Variants in ADGRG5 observed in about 807,000 individuals in gnomAD.
ADGRG5 encodes G protein-coupled receptor 114.
In ADGRG5, 37 loss-of-function variants were observed where a neutral mutation model predicts 53.2. That is an observed-to-expected ratio of 0.70 (90% CI 0.53 to 0.91). The LOEUF is 0.91. Ranked by LOEUF, ADGRG5 falls within the 40% of genes least tolerant of loss-of-function variation. The pLI is 0.00. For synonymous variants in ADGRG5, 277 were observed against 290.4 expected (o/e 0.95, Z 0.47); for missense variants, 614 against 675.8 (o/e 0.91, Z 1.01).
intron 1 of ADGRG5, among the ~76,000 whole-genome samples, chr16:57,553,985 A>G (rs760369472): frequency 6.6e-6 from 1 of 152,238 alleles, no homozygotes; most frequent in Non-Finnish European, 1.5e-5. Flanking sequence ...CAGTGAGGCC[A>G]TCTGGGCCTA....
intron 1 of ADGRG5, among the ~76,000 whole-genome samples, chr16:57,545,585 A>G (rs1488577128): frequency 6.6e-6 from 1 of 152,236 alleles, no homozygotes; most frequent in Non-Finnish European, 1.5e-5. Flanking sequence ...AATAAGTTGC[A>G]TACTCTACAA....
chr16:57,567,048 A>G (rs1476296931), intron 7 of ADGRG5, among the ~76,000 whole-genome samples: 1 of 152,202 alleles, frequency 6.6e-6, no homozygotes, highest in Non-Finnish European at 1.5e-5. Flanking sequence ...AGATAATAAT[A>G]TAGCTGGCAG....
In ADGRG5 at chr16:57,574,939, G is replaced by C; in HGVS notation, c.1333G>C (p.Ala445Pro). The C allele has an allele frequency of 6.2e-7, 1 of 1,613,452 alleles. No homozygotes were observed. The highest frequency in any genetic ancestry group is 8.5e-7 in the Non-Finnish European group (1 of 1,179,994). ...GACCCTGCGCAGGCTGCGGGAGCGG[G>C]CGGATGCACCAAGTGTCAGGGCCTG... ...LWTLRRLRER[A>P]DAPSVRACHD... The change falls in exon 11 of 12, where the codon GCG (alanine) becomes CCG (proline). Residue 445 changes from alanine to proline, a missense_variant. Physicochemically the swap from Ala to Pro is conservative, Grantham distance 27. Transcript: ENST00000349457. The surrounding 1 kb of genome is among the most constrained non-coding windows in gnomAD (Gnocchi z 4.4).
chr16:57,562,267 C>T (rs1384771436), intron 2 of ADGRG5, 110 bp downstream of exon 2: 1 of 1,412,728 alleles, frequency 7.1e-7, no homozygotes, highest in African/African-American at 1.4e-5. Context: ...CTTAGGCTTC[C>T]TGGGGGCAGC....
At chr16:57,552,289 C>G (rs1433844220) in intron 1 of ADGRG5, among the ~76,000 whole-genome samples, 1 of 152,186 alleles carries the variant, frequency 6.6e-6, no homozygotes, top group Non-Finnish European at 1.5e-5. Context: ...GCATTGATTT[C>G]TTCTCTCTGG....
At chr16:57,539,526 C>G (rs1294253952), upstream of ADGRG5, among the ~76,000 whole-genome samples, 1 of 148,290 alleles carries the variant, frequency 6.7e-6, no homozygotes. Flanking sequence ...GAACACAACT[C>G]TCTGCAGCCT....
rs765714835 is a variant in ADGRG5 at position 57,562,184 on chromosome 16, C to A, written c.64+27C>A. 2.4e-5 allele frequency: 38 copies of A among 1,574,872 alleles called. 1 individual carries two copies. In the South Asian group the frequency reaches 4.2e-4, roughly 17 times the overall value. ...TAAGGGGGCTCTGCTGAACTGGGGGCAGCCCTAGCCCAGTCGTGGGACTGT... is the reference window on the plus strand; with the variant it reads ...TAAGGGGGCTCTGCTGAACTGGGGGAAGCCCTAGCCCAGTCGTGGGACTGT... On this transcript the variant is annotated intron_variant, in intron 2 of 11. Transcript: ENST00000349457.
chr16:57,553,309 T>C (rs1370282333), intron 1 of ADGRG5, among the ~76,000 whole-genome samples: 1 of 152,226 alleles, frequency 6.6e-6, no homozygotes, highest in Non-Finnish European at 1.5e-5. Flanking sequence ...AGTTTTAGTC[T>C]TGTTATTTGC....
At chr16:57,557,184 A>G (rs1436751006) in intron 1 of ADGRG5, among the ~76,000 whole-genome samples, 1 of 152,162 alleles carries the variant, frequency 6.6e-6, no homozygotes, top group Non-Finnish European at 1.5e-5. Context: ...TGCAGGGATT[A>G]CAGGTGTGAG....
upstream of ADGRG5, among the ~76,000 whole-genome samples, chr16:57,539,737 G>A (rs1034145408): frequency 2.0e-5 from 3 of 151,010 alleles, no homozygotes; most frequent in Admixed American, 6.6e-5. Context: ...TTATAGGTGC[G>A]AGCCAACCCA....
chr16:57,559,549 T>C (rs1410485693), intron 1 of ADGRG5, among the ~76,000 whole-genome samples: 1 of 152,238 alleles, frequency 6.6e-6, no homozygotes, highest in Non-Finnish European at 1.5e-5. Flanking sequence ...CCACTCTAGC[T>C]AATGCTCAGC....
rs1330242480 is a variant in ADGRG5 at position 57,575,660 on chromosome 16, G to A, written c.*122G>A. On this transcript the variant is annotated 3_prime_UTR_variant, in exon 12 of 12. Coordinates refer to ENST00000349457, the MANE Select transcript of ADGRG5 (RefSeq NM_001304376.3). ...CCCAGAGGCCACTGTGACCGCCAAG[G>A]GGCCTTTTCCACTTCCACGGCCTCT... is the stretch of plus-strand genomic sequence containing the variant. 1.2e-5 allele frequency: 9 copies of A among 732,422 alleles called. No individual in the cohort carries two copies. Among genetic ancestry groups the A allele is most frequent in the South Asian group, 9.9e-5 (6 of 60,816 alleles). The allele number at this position is 732,422 out of a possible 1,614,324, so 45.4% of individuals were successfully genotyped here. A position where few individuals can be genotyped will look rare whatever the true frequency, so the allele number is the denominator to read the frequency against.
chr16:57,536,216 C>T, the ADGRG5 span, among the ~76,000 whole-genome samples: 2 of 152,034 alleles, frequency 1.3e-5, no homozygotes, highest in Admixed American at 6.5e-5. Flanking sequence ...GCCGCCCCCT[C>T]CCGTCCGGCC....
Position 57,563,037 on chromosome 16 carries a change from C to T in ADGRG5, c.141-54C>T, listed in dbSNP as rs980389598. ...TCCCAGGCTGTCTACAGCCCCCTCT[C>T]ACCCTTACCCCACTCCGGGCTCTGG... On this transcript the variant is annotated intron_variant, in intron 3 of 11. Transcript: ENST00000349457. 61 of 1,604,532 alleles carry T rather than the reference C, an allele frequency of 3.8e-5. No homozygotes were observed. In the African/African-American group the frequency reaches 6.4e-4, roughly 17 times the overall value.
intron 10 of ADGRG5, among the ~76,000 whole-genome samples, chr16:57,571,923 C>T (rs1380362830): frequency 2.0e-5 from 3 of 151,838 alleles, no homozygotes; most frequent in Admixed American, 1.3e-4. Context: ...GGATTACAGG[C>T]GTGAACACTA....
intron 1 of ADGRG5, among the ~76,000 whole-genome samples, chr16:57,553,891 A>G (rs1257954157): frequency 1.3e-5 from 2 of 152,178 alleles, no homozygotes; most frequent in Non-Finnish European, 2.9e-5. Flanking sequence ...GATTGTTATC[A>G]TTACTTATTT....
chr16:57,548,746 A>G (rs2032680583), intron 1 of ADGRG5, among the ~76,000 whole-genome samples: 2 of 135,138 alleles, frequency 1.5e-5, no homozygotes, highest in South Asian at 2.4e-4. Flanking sequence ...TTGGCTCATG[A>G]TAATTCCTTT....
intron 4 of ADGRG5, 34 bp downstream of exon 4, chr16:57,563,281 T>A (rs1385162546): frequency 6.2e-7 from 1 of 1,600,128 alleles, no homozygotes; most frequent in Non-Finnish European, 8.5e-7. Flanking sequence ...TGTGGCCAGC[T>A]GCCCCGCCCT....
At chr16:57,553,885 G>A (rs933100176) in intron 1 of ADGRG5, among the ~76,000 whole-genome samples, 1 of 152,096 alleles carries the variant, frequency 6.6e-6, no homozygotes, top group Non-Finnish European at 1.5e-5. Flanking sequence ...ATTTAGGATT[G>A]TTATCATTAC....
Sources: gnomAD v4.1 joint callset for allele counts (sites outside exome capture counted in the v4.1 genomes callset) on GRCh38, gnomAD v4.1.1 for gene constraint, Gnocchi (gnomAD v3.1) non-coding constraint, MANE v1.5 for transcripts, NCBI Gene and HGNC (gene_info 2026-07-23, HGNC 2026-07-21) for gene names.